The following STAC variants were observed in gnomAD, a reference collection of about 807,000 sequenced individuals.
The protein encoded by STAC is SH3 and cysteine rich domain.
A neutral mutation model predicts 48.8 loss-of-function variants in STAC; 43 were observed. That is an observed-to-expected ratio of 0.88 (90% confidence interval 0.69 to 1.14). STAC has a LOEUF of 1.14. Ranked by LOEUF, STAC falls within the 50% of genes most tolerant of loss-of-function variation. The pLI is 0.00. For missense variants in STAC, 497 were observed against 504.0 expected (o/e 0.99, Z 0.13); for synonymous variants, 193 against 179.5 (o/e 1.07, Z -0.60).
intron 10 of STAC, among the ~76,000 whole-genome samples, chr3:36,539,246 G>C (rs1363145818): frequency 3.3e-5 from 5 of 152,008 alleles, no homozygotes; most frequent in African/African-American, 7.3e-5. Flanking sequence ...GTGCAGGTTT[G>C]TTATATAGTT....
intron 2 of STAC, among the ~76,000 whole-genome samples, chr3:36,454,422 G>A (rs994901186): frequency 1.1e-4 from 17 of 152,018 alleles, no homozygotes; most frequent in African/African-American, 2.9e-4. Context: ...AAGAAACTCC[G>A]AACACATCCG....
intron 6 of STAC, among the ~76,000 whole-genome samples, chr3:36,499,893 G>A (rs752396716): frequency 1.3e-5 from 2 of 151,738 alleles, no homozygotes; most frequent in African/African-American, 4.9e-5. Context: ...GTATTAATGT[G>A]TGAAAAATTG....
intron 10 of STAC, among the ~76,000 whole-genome samples, chr3:36,536,419 T>C (rs1052704937): frequency 2.0e-5 from 3 of 152,080 alleles, no homozygotes; most frequent in Non-Finnish European, 2.9e-5. Flanking sequence ...TGGAACAGTA[T>C]AGAGGTCTCA....
chr3:36,403,276 T>A (rs1700032327), intron 1 of STAC, among the ~76,000 whole-genome samples: 1 of 152,128 alleles, frequency 6.6e-6, no homozygotes, highest in South Asian at 2.1e-4. Context: ...AAATGAAAGA[T>A]AAAGTTGGAA....
Position 36,443,575 on chromosome 3 carries a change from A to T in STAC, c.323A>T (p.His108Leu). 1 of 1,614,166 alleles carries T rather than the reference A, an allele frequency of 6.2e-7. No individual in the cohort carries two copies. Among genetic ancestry groups the T allele is most frequent in the Non-Finnish European group, 8.5e-7 (1 of 1,180,042 alleles). ...RAGLHPGGKA[H>L]AFQEYIFKKP... ...GGTCTGCATCCAGGTGGCAAGGCTCATGCCTTTCAGGAATACATCTTCAAG... is the reference window on the plus strand; with the variant it reads ...GGTCTGCATCCAGGTGGCAAGGCTCTTGCCTTTCAGGAATACATCTTCAAG... Residue 108 changes from histidine to leucine, a missense_variant, in exon 2 of 11, where the codon CAT becomes CTT. Transcript: ENST00000273183. The surrounding 1 kb of genome is among the most constrained non-coding windows in gnomAD (Gnocchi z 4.2).
At chr3:36,465,751 G>A (rs1466634517) in intron 2 of STAC, among the ~76,000 whole-genome samples, 3 of 152,124 alleles carry the variant, frequency 2.0e-5, no homozygotes, top group Non-Finnish European at 2.9e-5. Flanking sequence ...CGATGTTTGA[G>A]GGCAGGAAGC....
chr3:36,387,386 C>T (rs1699640829), intron 1 of STAC, among the ~76,000 whole-genome samples: 1 of 151,940 alleles, frequency 6.6e-6, no homozygotes, highest in South Asian at 2.1e-4. Context: ...GCATTAAGTA[C>T]ATTCACACTG....
At chr3:36,435,389 C>G (rs1415741018) in intron 1 of STAC, among the ~76,000 whole-genome samples, 1 of 152,140 alleles carries the variant, frequency 6.6e-6, no homozygotes, top group African/African-American at 2.4e-5. Context: ...GGTGGCCTGC[C>G]TCACTCCAAT....
intron 1 of STAC, among the ~76,000 whole-genome samples, chr3:36,400,778 T>C (rs1177328533): frequency 6.6e-6 from 1 of 152,194 alleles, no homozygotes; most frequent in Non-Finnish European, 1.5e-5. Context: ...ATACCTACTC[T>C]GAGTGCCTGT....
intron 1 of STAC, among the ~76,000 whole-genome samples, chr3:36,435,738 A>G (rs1166265455): frequency 1.3e-5 from 2 of 152,172 alleles, no homozygotes; most frequent in African/African-American, 2.4e-5. Context: ...AGACATTCCC[A>G]TTACCAAATA....
intron 10 of STAC, among the ~76,000 whole-genome samples, chr3:36,544,354 G>C (rs1191338184): frequency 6.6e-6 from 1 of 152,036 alleles, no homozygotes; most frequent in South Asian, 2.1e-4. Context: ...ATTTTTTGTA[G>C]AGATGGGGTT....
intron 1 of STAC, among the ~76,000 whole-genome samples, chr3:36,386,993 A>G (rs1699631416): frequency 1.3e-5 from 2 of 152,056 alleles, no homozygotes; most frequent in Admixed American, 6.6e-5. Context: ...CTCACTCCAG[A>G]GTATTTGCTT....
intron 6 of STAC, among the ~76,000 whole-genome samples, chr3:36,496,298 T>C (rs751529319): frequency 8.5e-5 from 13 of 152,230 alleles, no homozygotes; most frequent in Non-Finnish European, 1.3e-4. Flanking sequence ...TTGGCTTTAA[T>C]GTCCTGTCCA....
chr3:36,539,190 A>ATT (rs930413257), intron 10 of STAC, among the ~76,000 whole-genome samples: 4 of 151,816 alleles, frequency 2.6e-5, no homozygotes, highest in African/African-American at 9.7e-5. Flanking sequence ...TCTACAGAAT[A>ATT]TTTTCTTTTC....
At chr3:36,477,690 T>C (rs1559506584) in intron 2 of STAC, among the ~76,000 whole-genome samples, 1 of 152,198 alleles carries the variant, frequency 6.6e-6, no homozygotes, top group East Asian at 1.9e-4. Context: ...CAGTGTTGTA[T>C]TGGATTACAT....
At chr3:36,538,143 T>A (rs962639177) in intron 10 of STAC, among the ~76,000 whole-genome samples, 1 of 152,192 alleles carries the variant, frequency 6.6e-6, no homozygotes, top group Admixed American at 6.5e-5. Flanking sequence ...TTTGATATCA[T>A]ATCCTCTTTA....
chr3:36,430,568 A>G (rs979367920), intron 1 of STAC, among the ~76,000 whole-genome samples: 2 of 152,244 alleles, frequency 1.3e-5, no homozygotes, highest in Non-Finnish European at 2.9e-5. Flanking sequence ...AAATATCCTC[A>G]GTGCAGCTCT....
chr3:36,487,997 C>T (rs1697861735), intron 5 of STAC, among the ~76,000 whole-genome samples: 1 of 152,130 alleles, frequency 6.6e-6, no homozygotes, highest in Non-Finnish European at 1.5e-5. Context: ...ATAAAGGCTG[C>T]TTAGGTTGGG....
At chr3:36,439,995 C>A (rs1696294019) in intron 1 of STAC, among the ~76,000 whole-genome samples, 1 of 152,214 alleles carries the variant, frequency 6.6e-6, no homozygotes, top group African/African-American at 2.4e-5. Flanking sequence ...AGCTGTAGGG[C>A]AGAGGGAAAG....
Sources: allele counts gnomAD v4.1 joint callset (sites outside exome capture counted in the v4.1 genomes callset), GRCh38; gene constraint gnomAD v4.1.1; non-coding constraint Gnocchi (gnomAD v3.1); transcripts MANE v1.5; gene names NCBI Gene and HGNC (gene_info 2026-07-23, HGNC 2026-07-21).